The following PROK1 variants were observed in gnomAD, a reference collection of about 807,000 sequenced individuals.
PROK1 encodes prokineticin-1.
PROK1 carries 10 observed loss-of-function variants against 8.8 expected under a neutral mutation model. The observed-to-expected ratio is 1.13, with a 90% CI of 0.70 to 1.92. PROK1 has a LOEUF of 1.92. Ranked by LOEUF, PROK1 falls within the 30% of genes most tolerant of loss-of-function variation. The probability of loss-of-function intolerance (pLI) is 0.00; values close to 1 mark genes in which losing one functional copy is unlikely to be tolerated. For synonymous variants in PROK1, 57 were observed against 56.0 expected (o/e 1.02, Z -0.08); for missense variants, 140 against 139.7 (o/e 1.00, Z -0.01).
intron 1 of PROK1, 96 bp downstream of exon 1, chr1:110,451,384 G>C (rs753384611): frequency 5.0e-5 from 52 of 1,039,150 alleles, no homozygotes; most frequent in Non-Finnish European, 7.4e-5. Flanking sequence ...GGCTCTGTTG[G>C]CTCAACACAG....
chr1:110,456,461 T>A lies in PROK1; in HGVS notation c.*110T>A, dbSNP rs1022361666. 9.7e-6 allele frequency: 13 copies of A among 1,333,334 alleles called. No homozygotes were observed. In the African/African-American group the frequency reaches 1.9e-4, roughly 19 times the overall value. The allele number at this position is 1,333,334 out of a possible 1,614,324, so 82.6% of individuals were successfully genotyped here. A position where few individuals can be genotyped will look rare whatever the true frequency, so the allele number is the denominator to read the frequency against. ...TGACTCTCCCAGTCCCTACACTGAC[T>A]ACCCTGATCTCTCTTGTCTAGTACG... On this transcript the variant is annotated 3_prime_UTR_variant, in exon 3 of 3. Coordinates refer to ENST00000271331, the MANE Select transcript of PROK1 (RefSeq NM_032414.3).
intron 1 of PROK1, among the ~76,000 whole-genome samples, chr1:110,451,948 G>C (rs1456023064): frequency 6.6e-6 from 1 of 152,170 alleles, no homozygotes; most frequent in African/African-American, 2.4e-5. Flanking sequence ...TCAGCATATG[G>C]GCACTGTACA....
chr1:110,451,160 C>T lies in PROK1; in HGVS notation c.-57C>T, dbSNP rs368008753. ...CCAGCTTGCCAGGCACAAGGCTGAG[C>T]GGGAGGAAGCGAGAGGCATCTAAGC... On this transcript the variant is annotated 5_prime_UTR_variant, in exon 1 of 3. Transcript: ENST00000271331. 30 of 1,536,976 alleles carry T rather than the reference C, an allele frequency of 2.0e-5. No individual in the cohort carries two copies. The highest frequency in any genetic ancestry group is 3.4e-5 in the South Asian group (3 of 89,436).
rs1191115119 is a variant in PROK1, at chr1:110,453,996, C to T, written c.108C>T (p.Thr36=). 3.7e-6 allele frequency: 6 copies of T among 1,614,248 alleles called. No homozygotes were observed. The South Asian group carries it at 6.6e-5, about 18-fold the overall frequency. The stretch of plus-strand genomic sequence containing the variant: ...GGGATGTCCAGTGTGGGGCAGGCAC[C>T]TGCTGTGCCATCAGCCTGTGGCTTC... ...CERDVQCGAG[T]CCAISLWLRG... Residue 36 remains threonine (T), a synonymous_variant, in exon 2 of 3, where the codon ACC becomes ACT. Coordinates refer to ENST00000271331, the MANE Select transcript of PROK1 (RefSeq NM_032414.3).
intron 1 of PROK1, among the ~76,000 whole-genome samples, chr1:110,452,974 G>A (rs1433396248): frequency 6.6e-6 from 1 of 152,134 alleles, no homozygotes; most frequent in Non-Finnish European, 1.5e-5. Context: ...AGGCACAGCT[G>A]GGTGCCCACC....
In PROK1 at chr1:110,451,282, C is replaced by T; in HGVS notation, c.66C>T (p.Ile22=). ...TAACTGTGTCTGACTGTGCTGTGAT[C>T]ACAGGGGTAAGTCGCCTAACATTCT... ...LLVTVSDCAV[I]TGACERDVQC... The change falls in exon 1 of 3, where the codon ATC becomes ATT. Residue 22 remains isoleucine (I), a synonymous_variant. Transcript: ENST00000271331. 1 of 1,614,068 alleles carries T rather than the reference C, an allele frequency of 6.2e-7. No homozygotes were observed. The highest frequency in any genetic ancestry group is 1.1e-5 in the South Asian group (1 of 91,078).
At chr1:110,454,139 G>T in intron 2 of PROK1, 53 bp downstream of exon 2, 1 of 1,595,142 alleles carries the variant, frequency 6.3e-7, no homozygotes, top group South Asian at 1.1e-5. Flanking sequence ...CATGCGGGGA[G>T]CAGAGGGTGA....
At chr1:110,453,840 G>T in intron 1 of PROK1, 121 bp from the exon 2 acceptor site, 2 of 1,345,544 alleles carry the variant, frequency 1.5e-6, no homozygotes, top group Non-Finnish European at 2.1e-6. Context: ...GGCTAAGGCC[G>T]GGGGTGATAC....
At chr1:110,454,308 G>A (rs946292365) in intron 2 of PROK1, among the ~76,000 whole-genome samples, 3 of 152,200 alleles carry the variant, frequency 2.0e-5, no homozygotes, top group African/African-American at 7.2e-5. Flanking sequence ...AGGCTATGGG[G>A]TTGCTGTGCC....
At position 110,455,403 on chromosome 1, in the gene PROK1, T is replaced by A. The variant is rs777843332; in HGVS notation, c.199-829T>A. Among the ~76,000 whole-genome samples the A allele has an allele frequency of 4.6e-5, 7 of 152,184 alleles. No individual in the cohort carries two copies. In the East Asian group the frequency reaches 1.4e-3, roughly 29 times the overall value. ...CGTCCTCCAGCGGTTTCTCTCCCAATCACAGCCCCTGTCCAACCTCCTGTC... is the reference window on the plus strand; with the variant it reads ...CGTCCTCCAGCGGTTTCTCTCCCAAACACAGCCCCTGTCCAACCTCCTGTC... On this transcript the variant is annotated intron_variant, in intron 2 of 2. Transcript: ENST00000271331.
chr1:110,454,281 G>A (rs1664136893), intron 2 of PROK1, among the ~76,000 whole-genome samples, 195 bp downstream of exon 2: 1 of 152,242 alleles, frequency 6.6e-6, no homozygotes, highest in East Asian at 1.9e-4. Context: ...GCCCCTGAAT[G>A]TCCAAGGGGA....
chr1:110,454,060 G>T lies in PROK1; in HGVS notation c.172G>T (p.Glu58Ter). Residue 58 changes from glutamate (E) to a stop codon, truncating the protein, a stop_gained, in exon 2 of 3, where the codon GAG (glutamate) becomes TAG (stop). Transcript: ENST00000271331. LOFTEE classifies it high-confidence loss of function. Reference sequence around the variant, plus strand: ...GTGCACCCCGCTGGGGCGGGAAGGCGAGGAGTGCCACCCCGGCAGCCACAA... The same window carrying T: ...GTGCACCCCGCTGGGGCGGGAAGGCTAGGAGTGCCACCCCGGCAGCCACAA... The part of the protein sequence containing the change: ...RMCTPLGREG[E>*]ECHPGSHKVP... The T allele has an allele frequency of 2.5e-6, 4 of 1,613,798 alleles. No homozygotes were observed. Among genetic ancestry groups the T allele is most frequent in the Non-Finnish European group, 3.4e-6 (4 of 1,179,972 alleles).
chr1:110,453,525 C>T (rs918385544), intron 1 of PROK1, among the ~76,000 whole-genome samples: 13 of 152,190 alleles, frequency 8.5e-5, no homozygotes, highest in African/African-American at 3.1e-4. Context: ...AGAGTCAGGG[C>T]TGGAGACTCC....
intron 1 of PROK1, among the ~76,000 whole-genome samples, chr1:110,453,271 C>T (rs74116704): frequency 0.15 from 23,388 of 152,158 alleles, 2,783 homozygotes; most frequent in African/African-American, 0.34. Flanking sequence ...TTTTATTTAA[C>T]GTGGGCTCAT....
Position 110,451,212 on chromosome 1 carries a change from T to A in PROK1, c.-5T>A. On this transcript the variant is annotated 5_prime_UTR_variant, in exon 1 of 3. Transcript: ENST00000271331. ...GGCAGTGTTTTGCCTTCACCCCAAG[T>A]GACCATGAGAGGTGCCACGCGAGTC... 6.2e-7 allele frequency: 1 copy of A among 1,614,104 alleles called. No individual in the cohort carries two copies. Among genetic ancestry groups the A allele is most frequent in the Non-Finnish European group, 8.5e-7 (1 of 1,179,978 alleles).
Position 110,456,270 on chromosome 1 carries a change from T to C in PROK1, c.237T>C (p.Pro79=), listed in dbSNP as rs1234396495. Reference sequence around the variant, plus strand: ...GGAAACGCAAGCACCACACCTGTCCTTGCTTGCCCAACCTGCTGTGCTCCA... The same window carrying C: ...GGAAACGCAAGCACCACACCTGTCCCTGCTTGCCCAACCTGCTGTGCTCCA... ...FFRKRKHHTC[P]CLPNLLCSRF... Residue 79 remains proline (P), a synonymous_variant, in exon 3 of 3, where the codon CCT becomes CCC. Transcript: ENST00000271331. The C allele has an allele frequency of 6.2e-7, 1 of 1,613,940 alleles. No homozygotes were observed. Among genetic ancestry groups the C allele is most frequent in the Non-Finnish European group, 8.5e-7 (1 of 1,180,006 alleles).
At chr1:110,453,074 C>T (rs1191529797) in intron 1 of PROK1, among the ~76,000 whole-genome samples, 9 of 152,184 alleles carry the variant, frequency 5.9e-5, no homozygotes, top group Non-Finnish European at 4.4e-5. Context: ...GGTCCTGCCA[C>T]GTCCCACACA....
chr1:110,453,964 T>A lies in PROK1; in HGVS notation c.76T>A (p.Cys26Ser). The change falls in exon 2 of 3, where the codon TGT becomes AGT. Residue 26 changes from cysteine (C) to serine (S), a missense_variant. By Grantham distance (112) the Cys-to-Ser change is moderately radical (BLOSUM62 -1). Coordinates refer to ENST00000271331, the MANE Select transcript of PROK1 (RefSeq NM_032414.3). ...CCCTTCTCTCTCCCTCCTACAGGCCTGTGAGCGGGATGTCCAGTGTGGGGC... is the reference window on the plus strand; with the variant it reads ...CCCTTCTCTCTCCCTCCTACAGGCCAGTGAGCGGGATGTCCAGTGTGGGGC... ...VSDCAVITGA[C>S]ERDVQCGAGT... 6.2e-7 allele frequency: 1 copy of A among 1,614,222 alleles called. No homozygotes were observed. Among genetic ancestry groups the A allele is most frequent in the Non-Finnish European group, 8.5e-7 (1 of 1,180,016 alleles).
chr1:110,454,880 G>A (rs761683000), intron 2 of PROK1, among the ~76,000 whole-genome samples: 4 of 152,138 alleles, frequency 2.6e-5, no homozygotes, highest in East Asian at 1.9e-4. Flanking sequence ...CCACAAAATC[G>A]CCTTCCACAC....
Sources: allele counts gnomAD v4.1 joint callset (sites outside exome capture counted in the v4.1 genomes callset), GRCh38; gene constraint gnomAD v4.1.1; transcripts MANE v1.5; gene names NCBI Gene and HGNC (gene_info 2026-07-23, HGNC 2026-07-21).